The following DENND4A variants were observed in gnomAD, a reference collection of about 807,000 sequenced individuals.
The protein encoded by DENND4A is C-myc promoter-binding protein.
Under a neutral mutation model 199.3 loss-of-function variants are expected in DENND4A, and 70 were observed. The observed-to-expected ratio is 0.35, with a 90% CI of 0.29 to 0.43. The LOEUF (loss-of-function observed/expected upper bound fraction) is 0.43, where lower values mean the gene tolerates loss of function less well. DENND4A is among the 20% of genes least tolerant of loss of function. The probability of loss-of-function intolerance (pLI) is 1.00; values close to 1 mark genes in which losing one functional copy is unlikely to be tolerated. For missense variants in DENND4A, 1,723 were observed against 2,255.8 expected (o/e 0.76, Z 4.78); for synonymous variants, 686 against 766.9 (o/e 0.89, Z 1.74).
chr15:65,746,369 C>CTCTCTCTCTTTTTTT (rs2076392238), intron 4 of DENND4A, among the ~76,000 whole-genome samples: 1 of 51,268 alleles, frequency 2.0e-5, no homozygotes, highest in African/African-American at 7.0e-5. Flanking sequence ...ACTTTTTTCT[C>CTCTCTCTCTTTTTTT]TTTTTTTTTT....
intron 4 of DENND4A, among the ~76,000 whole-genome samples, chr15:65,749,944 A>G (rs896990594): frequency 4.6e-5 from 7 of 152,218 alleles, no homozygotes; most frequent in Admixed American, 4.6e-4. Context: ...ATATCTACAG[A>G]AAATGCACAG....
At chr15:65,729,877 T>A (rs957777985) in intron 9 of DENND4A, among the ~76,000 whole-genome samples, 199 bp from the exon 10 acceptor site, 2 of 152,156 alleles carry the variant, frequency 1.3e-5, no homozygotes, top group African/African-American at 4.8e-5. Flanking sequence ...AAACACACTA[T>A]GAAAACAATG....
chr15:65,701,239 G>A lies in DENND4A; in HGVS notation c.2560-47C>T. ...ATAATTAGTAAAATAATTTTTATAAGTGAACATATATTGGTTTCAGAATTA... is the reference window on the plus strand; with the variant it reads ...ATAATTAGTAAAATAATTTTTATAAATGAACATATATTGGTTTCAGAATTA... On this transcript the variant is annotated intron_variant, in intron 18 of 32. Coordinates refer to ENST00000443035, the MANE Select transcript of DENND4A (RefSeq NM_001320835.1). 2.8e-6 allele frequency: 4 copies of A among 1,410,344 alleles called. No homozygotes were observed. The South Asian group carries it at 4.3e-5, about 15-fold the overall frequency. The allele number at this position is 1,410,344 out of a possible 1,614,324, so 87.4% of individuals were successfully genotyped here.
chr15:65,704,615 G>A (rs539549578), intron 15 of DENND4A, among the ~76,000 whole-genome samples: 2 of 152,190 alleles, frequency 1.3e-5, no homozygotes, highest in African/African-American at 4.8e-5. Flanking sequence ...TTTGGAGATA[G>A]AGTCTCGTTC....
Position 65,661,718 on chromosome 15 carries a change from G to T in DENND4A, c.*133C>A. On this transcript the variant is annotated 3_prime_UTR_variant, in exon 33 of 33. Coordinates refer to ENST00000443035, the MANE Select transcript of DENND4A (RefSeq NM_001320835.1). ...TCTTCTTCAAACATTCTGTACATAA[G>T]CTGTCTGAGTCTTTTGAACCATTTA... The T allele has an allele frequency of 1.4e-6, 1 of 727,892 alleles. No homozygotes were observed. Among genetic ancestry groups the T allele is most frequent in the Non-Finnish European group, 2.1e-6 (1 of 477,202 alleles). 45.1% of individuals were successfully genotyped at this position (727,892 alleles called of 1,614,324 possible).
chr15:65,665,426 C>T lies in DENND4A; in HGVS notation c.5278G>A (p.Val1760Ile), dbSNP rs756734941. Residue 1760 changes from valine to isoleucine, a missense_variant, in exon 30 of 33, where the codon GTT becomes ATT. Physicochemically the swap from Val to Ile is conservative, Grantham distance 29. Coordinates refer to ENST00000443035, the MANE Select transcript of DENND4A (RefSeq NM_001320835.1). ...RHCMSEDSKY[V>I]LIQMLWDNMK... is the part of the protein sequence containing the mutation. ...TTGTCCCATAACATTTGTATTAAAA[C>T]ATATTTGCTATCTTCAGACATACAG... The T allele has an allele frequency of 1.2e-6, 2 of 1,613,342 alleles. No individual in the cohort carries two copies.
At chr15:65,668,584 G>T (rs1408659598) in intron 27 of DENND4A, among the ~76,000 whole-genome samples, 2 of 152,104 alleles carry the variant, frequency 1.3e-5, no homozygotes, top group East Asian at 3.9e-4. Context: ...ACTTTGGGAG[G>T]CTGAGGTGGG....
chr15:65,684,347 G>A (rs921807262), intron 23 of DENND4A, among the ~76,000 whole-genome samples: 2 of 152,132 alleles, frequency 1.3e-5, no homozygotes, highest in Non-Finnish European at 1.5e-5. Context: ...AAAAGTATGA[G>A]GGTTCCCATT....
At chr15:65,710,965 C>A (rs2075232601) in intron 14 of DENND4A, among the ~76,000 whole-genome samples, 1 of 152,200 alleles carries the variant, frequency 6.6e-6, no homozygotes, top group Admixed American at 6.5e-5. Context: ...TGAGGTCTCA[C>A]CAGAAGCAGA....
intron 1 of DENND4A, chr15:65,771,540 C>T: frequency 1.2e-6 from 2 of 1,612,100 alleles, no homozygotes; most frequent in Non-Finnish European, 1.7e-6. Context: ...AGGATCAATA[C>T]AATTATGGGC....
chr15:65,749,008 A>G (rs2076490492), intron 4 of DENND4A, among the ~76,000 whole-genome samples: 1 of 151,544 alleles, frequency 6.6e-6, no homozygotes, highest in Non-Finnish European at 1.5e-5. Flanking sequence ...AAAAAAAAAC[A>G]AAAAGAAAAA....
intron 4 of DENND4A, among the ~76,000 whole-genome samples, chr15:65,752,120 T>C (rs1188873694): frequency 1.2e-4 from 3 of 25,418 alleles, no homozygotes; most frequent in African/African-American, 3.9e-4. Context: ...ATTGCTTTTG[T>C]AGTGGGCGGG....
chr15:65,727,279 C>T (rs936415607), intron 11 of DENND4A, among the ~76,000 whole-genome samples: 1 of 151,720 alleles, frequency 6.6e-6, no homozygotes, highest in East Asian at 1.9e-4. Context: ...GGTGAAACCC[C>T]GTCTCTACTA....
rs115347146 is a variant in DENND4A, at chr15:65,782,340, G to A, written c.-102+9670C>T. ...TCTGGCTCCTTCTTGCTTGTCCAGC[G>A]TCAATCTCCCAAGAGACGGCTTCCC... On this transcript the variant is annotated intron_variant, in intron 1 of 32. Coordinates refer to ENST00000443035, the MANE Select transcript of DENND4A (RefSeq NM_001320835.1). Among the ~76,000 whole-genome samples the A allele has an allele frequency of 3.5e-3, 526 of 152,126 alleles. 5 individuals carry two copies. Among genetic ancestry groups the A allele is most frequent in the African/African-American group, 0.012 (504 of 41,506 alleles).
intron 24 of DENND4A, among the ~76,000 whole-genome samples, chr15:65,673,210 G>T (rs1370096168): frequency 6.7e-6 from 1 of 149,496 alleles, no homozygotes; most frequent in Non-Finnish European, 1.5e-5. Flanking sequence ...AGGCATGGTG[G>T]CCCACGCCTG....
chr15:65,731,805 A>G (rs2075969493), intron 8 of DENND4A, 105 bp from the exon 9 acceptor site: 1 of 766,268 alleles, frequency 1.3e-6, no homozygotes, highest in Non-Finnish European at 2.1e-6. Context: ...ATGAAGTTTC[A>G]GTATATCCAT....
chr15:65,763,862 T>C (rs2076917126), intron 1 of DENND4A, among the ~76,000 whole-genome samples: 1 of 152,020 alleles, frequency 6.6e-6, no homozygotes, highest in Non-Finnish European at 1.5e-5. Context: ...AGGGAGTAAA[T>C]ATGCAGTGGT....
intron 14 of DENND4A, among the ~76,000 whole-genome samples, chr15:65,709,555 G>A (rs553259881): frequency 8.1e-4 from 123 of 151,568 alleles, no homozygotes; most frequent in Admixed American, 2.2e-3. Context: ...TTAGCCAGGT[G>A]TGGTGGCACA....
rs956453443 is a variant in DENND4A at position 65,720,654 on chromosome 15, C to T, written c.1588+2194G>A. Among the ~76,000 whole-genome samples, 45 of 98,256 alleles carry T rather than the reference C, an allele frequency of 4.6e-4. No homozygotes were observed. In the Admixed American group the frequency reaches 4.6e-3, roughly 10 times the overall value. 64.5% of individuals were successfully genotyped at this position (98,256 alleles called of 152,430 possible). On this transcript the variant is annotated intron_variant, in intron 12 of 32. Coordinates refer to ENST00000443035, the MANE Select transcript of DENND4A (RefSeq NM_001320835.1). Reference sequence around the variant, plus strand: ...CTCGAACTCCTGACCTCAGGTGATCCACCTGCCTCGGCCTCCCAAAGTGCT... The same window carrying T: ...CTCGAACTCCTGACCTCAGGTGATCTACCTGCCTCGGCCTCCCAAAGTGCT...
Sources: allele counts gnomAD v4.1 joint callset (sites outside exome capture counted in the v4.1 genomes callset), GRCh38; gene constraint gnomAD v4.1.1; transcripts MANE v1.5; gene names NCBI Gene and HGNC (gene_info 2026-07-23, HGNC 2026-07-21).